DGKB: variants seen among roughly 807,000 people sequenced by gnomAD.
The protein encoded by DGKB is 90 kDa diacylglycerol kinase.
A neutral mutation model predicts 114.3 loss-of-function variants in DGKB; 67 were observed. That is an observed-to-expected ratio of 0.59 (90% CI 0.48 to 0.72). DGKB has a LOEUF of 0.72. Ranked by LOEUF, DGKB falls within the 30% of genes least tolerant of loss-of-function variation. DGKB has a pLI of 0.00. For missense variants in DGKB, 907 were observed against 975.2 expected (o/e 0.93, Z 0.93); for synonymous variants, 398 against 323.1 (o/e 1.23, Z -2.49).
At chr7:14,811,495 T>C (rs1398609440) in intron 2 of DGKB, among the ~76,000 whole-genome samples, 1 of 152,128 alleles carries the variant, frequency 6.6e-6, no homozygotes, top group African/African-American at 2.4e-5. Flanking sequence ...AAACCCATGC[T>C]TCTCATGAAA....
At chr7:14,671,089 A>C (rs1818885408) in intron 13 of DGKB, among the ~76,000 whole-genome samples, 1 of 152,216 alleles carries the variant, frequency 6.6e-6, no homozygotes, top group African/African-American at 2.4e-5. Context: ...GGAATTTAGG[A>C]TAATGAGCTG....
intron 2 of DGKB, among the ~76,000 whole-genome samples, chr7:14,816,097 G>A (rs572825954): frequency 6.6e-6 from 1 of 152,250 alleles, no homozygotes; most frequent in African/African-American, 2.4e-5. Flanking sequence ...TTGGGAGGAC[G>A]AGGCGGGCAG....
chr7:14,961,953 A>G (rs1786869906), intron 1 of DGKB, among the ~76,000 whole-genome samples: 1 of 152,098 alleles, frequency 6.6e-6, no homozygotes, highest in African/African-American at 2.4e-5. Flanking sequence ...TTGCACACTA[A>G]TTAACCATGT....
At chr7:14,472,558 G>A (rs547349502) in intron 21 of DGKB, among the ~76,000 whole-genome samples, 184 of 152,300 alleles carry the variant, frequency 1.2e-3, no homozygotes, top group Admixed American at 2.6e-3. Context: ...ATGGGGCACT[G>A]CTGAAAAGAT....
chr7:14,786,471 G>C (rs1317434089), intron 2 of DGKB, among the ~76,000 whole-genome samples: 2 of 152,194 alleles, frequency 1.3e-5, no homozygotes, highest in Non-Finnish European at 2.9e-5. Flanking sequence ...CAAAAGAGCT[G>C]GCTGCAGTGG....
intron 21 of DGKB, among the ~76,000 whole-genome samples, chr7:14,367,615 T>C (rs1362959359): frequency 2.0e-5 from 3 of 151,978 alleles, no homozygotes; most frequent in Admixed American, 6.6e-5. Flanking sequence ...TAAGCTACGA[T>C]GCTTATATGA....
chr7:14,584,452 C>T (rs1446322674), intron 17 of DGKB, among the ~76,000 whole-genome samples: 2 of 152,092 alleles, frequency 1.3e-5, no homozygotes, highest in East Asian at 3.9e-4. Flanking sequence ...CTTGCAACCA[C>T]AAAACACTAC....
In DGKB at chr7:14,941,937, T is replaced by C. The variant is rs137890066; in HGVS notation, c.-188+32759A>G. On this transcript the variant is annotated intron_variant, in intron 1 of 4. Transcript: ENST00000437998. ...GTTAATTTTAGAATTCAGTAAGTAA[T>C]CATATATTTGGAGCCTCATTCATTT... Among the ~76,000 whole-genome samples, 522 of 152,174 alleles carry C rather than the reference T, an allele frequency of 3.4e-3. 1 individual carries two copies. The highest frequency in any genetic ancestry group is 0.012 in the African/African-American group (494 of 41,558).
Position 14,594,814 on chromosome 7 carries a change from G to T in DGKB, c.1434-11677C>A, listed in dbSNP as rs141881954. 1.9e-3 allele frequency among the ~76,000 whole-genome samples: 290 copies of T among 152,138 alleles called. 1 individual carries two copies. Among genetic ancestry groups the T allele is most frequent in the African/African-American group, 6.8e-3 (281 of 41,552 alleles). On this transcript the variant is annotated intron_variant, in intron 17 of 25. Transcript: ENST00000402815. ...AATCTAGACTTCTATAGGGAAAAAA[G>T]ACTTTGCTTAGGGTCAAATACAAAA... is the stretch of plus-strand genomic sequence containing the variant.
chr7:14,702,328 C>T (rs1271480414), intron 6 of DGKB, among the ~76,000 whole-genome samples: 2 of 151,964 alleles, frequency 1.3e-5, no homozygotes, highest in East Asian at 1.9e-4. Flanking sequence ...GCGAGGAAGG[C>T]GGAGTGCAAA....
chr7:14,844,624 T>C (rs1248602648), intron 1 of DGKB, among the ~76,000 whole-genome samples: 1 of 152,206 alleles, frequency 6.6e-6, no homozygotes, highest in Admixed American at 6.5e-5. Flanking sequence ...CTTAACTCGC[T>C]CCCTGAGCTC....
intron 1 of DGKB, among the ~76,000 whole-genome samples, chr7:14,908,773 T>G: frequency 6.6e-6 from 1 of 152,164 alleles, no homozygotes; most frequent in Non-Finnish European, 1.5e-5. Flanking sequence ...TTTGTAACAG[T>G]AATGATAGCC....
chr7:14,214,985 T>TTTA (rs1788721424), intron 23 of DGKB, among the ~76,000 whole-genome samples: 7 of 152,300 alleles, frequency 4.6e-5, no homozygotes, highest in African/African-American at 1.7e-4. Context: ...TAGTAAGCAC[T>TTTA]GTCTATGTGC....
chr7:14,937,197 T>C lies in DGKB; in HGVS notation c.-188+37499A>G, dbSNP rs375227263. 6.4e-4 allele frequency among the ~76,000 whole-genome samples: 97 copies of C among 152,290 alleles called. 1 individual carries two copies. The South Asian group carries it at 0.018, about 29-fold the overall frequency. ...TATTAATCAATTAATCTATTACTAA[T>C]AGAATTTAAATAAAAACAAGTTTTC... On this transcript the variant is annotated intron_variant, in intron 1 of 4. Transcript: ENST00000437998.
chr7:14,312,750 A>G (rs1013147671), intron 23 of DGKB, among the ~76,000 whole-genome samples: 1 of 152,176 alleles, frequency 6.6e-6, no homozygotes, highest in Non-Finnish European at 1.5e-5. Context: ...GTTGGCAGAT[A>G]TTTTCTTAAA....
intron 21 of DGKB, among the ~76,000 whole-genome samples, chr7:14,394,212 G>A (rs2128714433): frequency 6.6e-6 from 1 of 152,118 alleles, no homozygotes; most frequent in Admixed American, 6.5e-5. Context: ...AACTTACTTG[G>A]GAGATATTTC....
At chr7:14,326,454 A>G (rs536206061) in intron 23 of DGKB, among the ~76,000 whole-genome samples, 3 of 152,136 alleles carry the variant, frequency 2.0e-5, no homozygotes, top group African/African-American at 4.8e-5. Context: ...CGGTGCTACA[A>G]GGTCAACCAA....
rs528697132 is a variant in DGKB, at chr7:14,368,715, G to A, written c.1836-23324C>T. 7.2e-5 allele frequency among the ~76,000 whole-genome samples: 11 copies of A among 152,086 alleles called. 1 individual carries two copies. The South Asian group carries it at 2.3e-3, about 32-fold the overall frequency. On this transcript the variant is annotated intron_variant, in intron 21 of 25. Coordinates refer to ENST00000402815, the MANE Select transcript of DGKB (RefSeq NM_001350709.2). The stretch of plus-strand genomic sequence containing the variant: ...GGGAGAGAGAGAAAAAAAGCTAAGT[G>A]CAAAGAATCAAGCCTTGTATGTTAG...
At chr7:14,424,940 T>G (rs945399394) in intron 21 of DGKB, among the ~76,000 whole-genome samples, 1 of 152,106 alleles carries the variant, frequency 6.6e-6, no homozygotes, top group Non-Finnish European at 1.5e-5. Flanking sequence ...GAGTTCACTC[T>G]CCATTCTTCT....
Sources: allele counts gnomAD v4.1 joint callset (sites outside exome capture counted in the v4.1 genomes callset), GRCh38; gene constraint gnomAD v4.1.1; transcripts MANE v1.5; gene names NCBI Gene and HGNC (gene_info 2026-07-23, HGNC 2026-07-21).